ARHGAP30: variants seen among roughly 807,000 people sequenced by gnomAD.
The protein encoded by ARHGAP30 is Rho GTPase activating protein 30.
Under a neutral mutation model 72.0 loss-of-function variants are expected in ARHGAP30, and 23 were observed. The observed-to-expected ratio is 0.32, with a 90% CI of 0.23 to 0.45. The LOEUF (loss-of-function observed/expected upper bound fraction) is 0.45, where lower values mean the gene tolerates loss of function less well. Among genes scored for constraint, ARHGAP30 ranks in the 20% least tolerant of loss-of-function variants. ARHGAP30 has a pLI of 1.00. For synonymous variants in ARHGAP30, 576 were observed against 528.2 expected, an observed-to-expected ratio of 1.09 and a Z score of -1.24; for missense variants, 1,319 against 1,383.4, an observed-to-expected ratio of 0.95 and a Z score of 0.74.
chr1:161,054,661 G>A lies in ARHGAP30; in HGVS notation c.390C>T (p.Ile130=), dbSNP rs751815520. ...CAGGGAGTTCCCGAAGCACCTCTAG[G>A]ATCTTGACCAAGCGCTCAGGTTCCA... is the stretch of plus-strand genomic sequence containing the variant. ...VQLEPERLVK[I]LEVLRELPVP... Residue 130 remains isoleucine, a synonymous_variant, in exon 4 of 12, where the codon ATC becomes ATT. Transcript: ENST00000368013. The A allele has an allele frequency of 6.2e-7, 1 of 1,614,032 alleles. No homozygotes were observed. Among genetic ancestry groups the A allele is most frequent in the South Asian group, 1.1e-5 (1 of 91,080 alleles).
chr1:161,065,356 G>T (rs1362164564), intron 1 of ARHGAP30, among the ~76,000 whole-genome samples: 1 of 152,108 alleles, frequency 6.6e-6, no homozygotes, highest in East Asian at 1.9e-4. Flanking sequence ...GCATTTCTGG[G>T]TGCTGATCTT....
At chr1:161,054,843 A>G in intron 3 of ARHGAP30, 138 bp from the exon 4 acceptor site, 1 of 751,520 alleles carries the variant, frequency 1.3e-6, no homozygotes, top group Non-Finnish European at 2.3e-6. Flanking sequence ...TCTGCGGTGC[A>G]CTGACTTGGT....
At chr1:161,064,817 AAG>A (rs757401044) in intron 1 of ARHGAP30, among the ~76,000 whole-genome samples, 3 of 74,798 alleles carry the variant, frequency 4.0e-5, no homozygotes, top group Non-Finnish European at 7.9e-5. Flanking sequence ...GAAAGAAAGA[AAG>A]AAAGAAAGAA....
chr1:161,054,190 A>G (rs1033987101), intron 5 of ARHGAP30, among the ~76,000 whole-genome samples, 176 bp downstream of exon 5: 2 of 152,218 alleles, frequency 1.3e-5, no homozygotes, highest in Non-Finnish European at 2.9e-5. Flanking sequence ...AGAAGGGACT[A>G]AAATAGATGG....
chr1:161,062,066 T>G (rs1166655769), intron 1 of ARHGAP30, among the ~76,000 whole-genome samples: 1 of 152,042 alleles, frequency 6.6e-6, no homozygotes. Flanking sequence ...CCAGCTTTAA[T>G]GACAGAGCAA....
chr1:161,067,006 C>T (rs557727278), intron 1 of ARHGAP30, among the ~76,000 whole-genome samples: 8 of 152,288 alleles, frequency 5.3e-5, no homozygotes, highest in Non-Finnish European at 1.0e-4. Flanking sequence ...TCCTATCCTT[C>T]TCTGCTGATT....
rs1416030876 is a variant in ARHGAP30, at chr1:161,052,717, G to A, written c.745C>T (p.Leu249=). ...GSPEDLMPRP[L]PYHLPSILQA... ...AGTATGCTAGGCAGGTGATAAGGCA[G>A]TGGCCTGGGCATAAGGTCCTCGGGG... Residue 249 remains leucine (L), a synonymous_variant, in exon 7 of 12, where the codon CTG becomes TTG. Coordinates refer to ENST00000368013, the MANE Select transcript of ARHGAP30 (RefSeq NM_001025598.2). 2 of 1,612,940 alleles carry A rather than the reference G, an allele frequency of 1.2e-6. No homozygotes were observed. Among genetic ancestry groups the A allele is most frequent in the African/African-American group, 1.3e-5 (1 of 75,016 alleles).
At chr1:161,061,649 A>G (rs1043977879) in intron 1 of ARHGAP30, among the ~76,000 whole-genome samples, 1 of 152,236 alleles carries the variant, frequency 6.6e-6, no homozygotes, top group African/African-American at 2.4e-5. Context: ...CCATGACTCA[A>G]ATCAAGGGTG....
intron 1 of ARHGAP30, among the ~76,000 whole-genome samples, chr1:161,066,189 A>G (rs747458404): frequency 3.3e-5 from 5 of 150,318 alleles, no homozygotes; most frequent in Non-Finnish European, 4.4e-5. Context: ...AACTCTCCTC[A>G]TACGACCTGG....
intron 1 of ARHGAP30, chr1:161,060,269 C>CAA (rs59790446): frequency 0.012 from 4,409 of 375,756 alleles, 71 homozygotes; most frequent in Admixed American, 0.074. Flanking sequence ...GACCCTGTTT[C>CAA]AAAAAAAAAA....
In ARHGAP30 at chr1:161,059,340, T is replaced by G. The variant is rs1376116569; in HGVS notation, c.200+274A>C. Among the ~76,000 whole-genome samples, 819 of 151,348 alleles carry G rather than the reference T, an allele frequency of 5.4e-3. 6 individuals carry two copies. The highest frequency in any genetic ancestry group is 0.019 in the African/African-American group (774 of 41,302). Reference sequence around the variant, plus strand: ...CACCGCGCCTGGCTCAAGTTTTTTTTTTTTTTTTTTTTTAAGCCGGGTGTG... The same window carrying G: ...CACCGCGCCTGGCTCAAGTTTTTTTGTTTTTTTTTTTTTAAGCCGGGTGTG... On this transcript the variant is annotated intron_variant, in intron 2 of 11. Coordinates refer to ENST00000368013, the MANE Select transcript of ARHGAP30 (RefSeq NM_001025598.2).
chr1:161,050,899 C>A lies in ARHGAP30; in HGVS notation c.1420+415G>T, dbSNP rs1033703963. On this transcript the variant is annotated intron_variant, in intron 10 of 11. Transcript: ENST00000368013. ...TCAGGTGATCTGCCTGCCTAGGCAT[C>A]CCAAAGTGCTGGGTTTACAGGCATG... Among the ~76,000 whole-genome samples, 3 of 152,172 alleles carry A rather than the reference C, an allele frequency of 2.0e-5. No homozygotes were observed. The South Asian group carries it at 6.2e-4, about 32-fold the overall frequency.
In ARHGAP30 at chr1:161,054,617, AC is replaced by A. The variant is rs753908800; in HGVS notation, c.428+5del. The A allele has an allele frequency of 1.9e-6, 3 of 1,613,690 alleles. No individual in the cohort carries two copies. In the South Asian group the frequency reaches 3.3e-5, roughly 18 times the overall value. On this transcript the variant is annotated splice_donor_5th_base_variant and intron_variant, in intron 4 of 11. Transcript: ENST00000368013. ...GGTTGCTGGGCAGATATGGAGTGTCACATACCTGTAGTTTGGGACAGGGAGT... is the reference window on the plus strand; with the variant it reads ...GGTTGCTGGGCAGATATGGAGTGTCAATACCTGTAGTTTGGGACAGGGAGT...
At position 161,069,690 on chromosome 1, in the gene ARHGAP30, C is replaced by G; in HGVS notation, c.-66G>C. 9.1e-6 allele frequency: 14 copies of G among 1,530,622 alleles called. No individual in the cohort carries two copies. The highest frequency in any genetic ancestry group is 1.2e-5 in the Non-Finnish European group (13 of 1,118,700). The allele number at this position is 1,530,622 out of a possible 1,614,324, so 94.8% of individuals were successfully genotyped here. ...CCAAGACCTGTGCCCTACCAGTCCC[C>G]CATGGGATCCCAGCCAGCTGCTGGG... On this transcript the variant is annotated 5_prime_UTR_variant, in exon 1 of 12. Transcript: ENST00000368013. This position sits in a 1 kb window ranked among gnomAD's most constrained non-coding sequence, Gnocchi z 4.9.
In ARHGAP30 at chr1:161,048,230, C is replaced by T. The variant is rs747576676; in HGVS notation, c.2791G>A (p.Val931Ile). ...GMRLASTLVQ[V>I]QQVRSVPVVP... ...ACAGGCACAGAGCGGACCTGTTGGA[C>T]CTGAACCAGAGTGGAAGCTAGACGC... Residue 931 changes from valine (V) to isoleucine (I), a missense_variant, in exon 12 of 12, where the codon GTC becomes ATC. Val to Ile is a conservative substitution (Grantham distance 29). This residue lies in a region of ARHGAP30 where 1,097 missense variants were observed against 1,045.2 expected (regional missense o/e 1.05). Transcript: ENST00000368013. The T allele has an allele frequency of 7.4e-6, 12 of 1,614,060 alleles. No homozygotes were observed. The African/African-American group carries it at 1.6e-4, about 22-fold the overall frequency.
chr1:161,049,645 A>G lies in ARHGAP30; in HGVS notation c.1465T>C (p.Ser489Pro). Residue 489 changes from serine to proline, a missense_variant, in exon 11 of 12, where the codon TCA becomes CCA. Physicochemically the swap from Ser to Pro is moderately conservative, Grantham distance 74 (BLOSUM62 -1). Around this residue, in one of 2 missense-constraint regions of ARHGAP30, gnomAD observed 1,097 missense variants for 1,045.2 expected, o/e 1.05. Transcript: ENST00000368013. ...GCAGGAGCCAAGTCGTCTGGGCCTGAGTCTGCCAGGGGACTTGAGGCTGGA... is the reference window on the plus strand; with the variant it reads ...GCAGGAGCCAAGTCGTCTGGGCCTGGGTCTGCCAGGGGACTTGAGGCTGGA... ...ASPASSPLAD[S>P]GPDDLAPALE... 1 of 1,613,970 alleles carries G rather than the reference A, an allele frequency of 6.2e-7. No individual in the cohort carries two copies. Among genetic ancestry groups the G allele is most frequent in the Non-Finnish European group, 8.5e-7 (1 of 1,179,934 alleles).
In ARHGAP30 at chr1:161,059,717, C is replaced by T. The variant is rs1221136949; in HGVS notation, c.98-1G>A. 1 of 1,611,740 alleles carries T rather than the reference C, an allele frequency of 6.2e-7. No individual in the cohort carries two copies. Among genetic ancestry groups the T allele is most frequent in the East Asian group, 2.2e-5 (1 of 44,818 alleles). On this transcript the variant is annotated splice_acceptor_variant, in intron 1 of 11. Coordinates refer to ENST00000368013, the MANE Select transcript of ARHGAP30 (RefSeq NM_001025598.2). LOFTEE classifies it high-confidence loss of function. ...GCACAGCTCTTTAGCACCTGGGGCA[C>T]TGGGGACACAGACGGGGCAGAGACA...
intron 1 of ARHGAP30, among the ~76,000 whole-genome samples, chr1:161,064,805 AAGAAAGAAAGAAAGAAAGAAAGAAAG>A (rs1299306074): frequency 4.0e-4 from 29 of 72,490 alleles, no homozygotes; most frequent in African/African-American, 1.6e-3. Flanking sequence ...GAAAGAAAGA[AAGAAAGAAAGAAAGAAAGAAAGAAAG>A]AGAAAGAAAG....
At position 161,051,443 on chromosome 1, in the gene ARHGAP30, G is replaced by A; in HGVS notation, c.1291C>T (p.Pro431Ser). Residue 431 changes from proline to serine, a missense_variant, in exon 10 of 12, where the codon CCC (proline) becomes TCC (serine). This residue lies in a region of ARHGAP30 where 1,097 missense variants were observed against 1,045.2 expected (regional missense o/e 1.05). Coordinates refer to ENST00000368013, the MANE Select transcript of ARHGAP30 (RefSeq NM_001025598.2). ...PLHITSILSV[P>S]PNIISNVSLA... ...GAAACGTTAGAGATGATGTTCGGGG[G>A]CACACTGAGGATAGAGGTGATGTGT... 6.2e-7 allele frequency: 1 copy of A among 1,614,246 alleles called. No homozygotes were observed. Among genetic ancestry groups the A allele is most frequent in the South Asian group, 1.1e-5 (1 of 91,092 alleles).
Sources: gnomAD v4.1 joint callset for allele counts (sites outside exome capture counted in the v4.1 genomes callset) on GRCh38, gnomAD v4.1.1 for gene constraint, gnomAD v4.1.1 regional missense constraint, Gnocchi (gnomAD v3.1) non-coding constraint, MANE v1.5 for transcripts, NCBI Gene and HGNC (gene_info 2026-07-23, HGNC 2026-07-21) for gene names.